Variants in ESRRB observed in about 807,000 individuals in gnomAD.
ESRRB encodes the protein steroid hormone receptor ERR2.
A neutral mutation model predicts 46.0 loss-of-function variants in ESRRB; 16 were observed. The ratio of observed to expected loss-of-function variants is 0.35; its 90% CI spans 0.24 to 0.53. The LOEUF (loss-of-function observed/expected upper bound fraction) is 0.53. ESRRB is among the 20% of genes least tolerant of loss of function. ESRRB has a pLI of 0.93. For missense variants in ESRRB, 488 were observed against 607.4 expected (o/e 0.80, Z 2.07); for synonymous variants, 246 against 259.6 (o/e 0.95, Z 0.50).
rs1200733939 is a variant in ESRRB at position 76,501,550 on chromosome 14, T to C, written c.*3092T>C. On this transcript the variant is annotated 3_prime_UTR_variant, in exon 7 of 7. Coordinates refer to ENST00000644823, the MANE Select transcript of ESRRB (RefSeq NM_001379180.1). Reference sequence around the variant, plus strand: ...GAAGTGGCAGGGGAGGGTGACCAGCTTGTGACAAGAAGACTGAAGGGTCCA... The same window carrying C: ...GAAGTGGCAGGGGAGGGTGACCAGCCTGTGACAAGAAGACTGAAGGGTCCA... 1 of 152,070 alleles carries C rather than the reference T, an allele frequency of 6.6e-6. No homozygotes were observed. The highest frequency in any genetic ancestry group is 1.9e-4 in the East Asian group (1 of 5,188). 9.4% of individuals were successfully genotyped at this position (152,070 alleles called of 1,614,324 possible).
rs191380523 is a variant in ESRRB at position 76,365,153 on chromosome 14, G to A, written c.2+54237G>A. ...CAAGTGGTCACAGAATAACCAGAGTGAAGTAACTTGAGTTCTTTGTTTTTA... is the reference window on the plus strand; with the variant it reads ...CAAGTGGTCACAGAATAACCAGAGTAAAGTAACTTGAGTTCTTTGTTTTTA... On this transcript the variant is annotated intron_variant, in intron 1 of 6. Coordinates refer to the ESRRB transcript ENST00000512784. Among the ~76,000 whole-genome samples, 5 of 152,286 alleles carry A rather than the reference G, an allele frequency of 3.3e-5. No homozygotes were observed. In the East Asian group the frequency reaches 9.6e-4, roughly 29 times the overall value.
chr14:76,479,296 C>T (rs1457753199), intron 3 of ESRRB, among the ~76,000 whole-genome samples: 1 of 152,096 alleles, frequency 6.6e-6, no homozygotes, highest in Non-Finnish European at 1.5e-5. Context: ...TCTTTGGCCA[C>T]CAGAGTCTGC....
At chr14:76,324,287 T>G (rs1473644396) in intron 1 of ESRRB, among the ~76,000 whole-genome samples, 10 of 152,150 alleles carry the variant, frequency 6.6e-5, no homozygotes, top group Non-Finnish European at 1.5e-5. Context: ...AATCAGTCAT[T>G]GGCTGAGAGC....
chr14:76,443,148 T>A (rs957234590), intron 2 of ESRRB, among the ~76,000 whole-genome samples: 3 of 152,018 alleles, frequency 2.0e-5, no homozygotes, highest in East Asian at 3.9e-4. Context: ...TGAGCCCTTT[T>A]AAAAAAATAA....
chr14:76,375,429 AT>A (rs1171859618), upstream of ESRRB, among the ~76,000 whole-genome samples: 1 of 151,928 alleles, frequency 6.6e-6, no homozygotes, highest in African/African-American at 2.4e-5. Context: ...CCACGATTGT[AT>A]TTTCCTAAGC....
At chr14:76,318,655 G>C (rs755200661) in intron 1 of ESRRB, among the ~76,000 whole-genome samples, 1 of 152,146 alleles carries the variant, frequency 6.6e-6, no homozygotes, top group Non-Finnish European at 1.5e-5. Flanking sequence ...GAGTTGTTGC[G>C]AGAATTAAAG....
chr14:76,334,159 C>T (rs1884097738), intron 1 of ESRRB, among the ~76,000 whole-genome samples: 1 of 152,006 alleles, frequency 6.6e-6, no homozygotes, highest in Admixed American at 6.5e-5. Context: ...ACGAACAGTC[C>T]AGGCAGAAAC....
intron 2 of ESRRB, among the ~76,000 whole-genome samples, chr14:76,445,171 TAA>T (rs369315496): frequency 7.5e-5 from 9 of 120,056 alleles, no homozygotes; most frequent in South Asian, 3.1e-4. Context: ...GGAGTTTCTT[TAA>T]AAAAAAAAAA....
At chr14:76,365,724 A>G (rs76863673) in intron 1 of ESRRB, among the ~76,000 whole-genome samples, 98 of 152,356 alleles carry the variant, frequency 6.4e-4, no homozygotes, top group Admixed American at 1.9e-3. Flanking sequence ...TGAAGCTTAC[A>G]TATATTATTA....
intron 5 of ESRRB, among the ~76,000 whole-genome samples, chr14:76,483,442 AT>A (rs1889886490): frequency 6.6e-6 from 1 of 152,104 alleles, no homozygotes; most frequent in Non-Finnish European, 1.5e-5. Context: ...GGCTTCTGAG[AT>A]TTTAAGGGCC....
intron 1 of ESRRB, among the ~76,000 whole-genome samples, chr14:76,419,751 T>C (rs1457166995): frequency 6.6e-6 from 1 of 152,166 alleles, no homozygotes; most frequent in East Asian, 1.9e-4. Flanking sequence ...TGTAGGCTCA[T>C]AGAAGGTCAA....
intron 1 of ESRRB, among the ~76,000 whole-genome samples, chr14:76,392,441 G>A (rs777305684): frequency 1.1e-4 from 17 of 152,150 alleles, no homozygotes; most frequent in Admixed American, 2.0e-4. Context: ...CCTGTCCCCC[G>A]TTTACAGAGG....
chr14:76,332,609 TATATATTATATAAATATATATTA>T, intron 1 of ESRRB, among the ~76,000 whole-genome samples: 1 of 44,726 alleles, frequency 2.2e-5, no homozygotes, highest in African/African-American at 1.1e-4. Flanking sequence ...ATTATATATT[TATATATTATATAAATATATATTA>T]TATATATTTA....
intron 1 of ESRRB, among the ~76,000 whole-genome samples, chr14:76,325,255 C>A (rs1007428060): frequency 1.3e-5 from 2 of 152,188 alleles, no homozygotes; most frequent in Non-Finnish European, 2.9e-5. Context: ...TGCACCCAGC[C>A]ACAAGCAACA....
chr14:76,387,333 G>C (rs972133638), intron 1 of ESRRB, among the ~76,000 whole-genome samples: 40 of 152,322 alleles, frequency 2.6e-4, no homozygotes, highest in African/African-American at 9.6e-4. Flanking sequence ...ACGGGGAATG[G>C]AAGAGCTCTA....
intron 6 of ESRRB, 92 bp from the exon 7 acceptor site, chr14:76,498,122 G>T (rs1020951437): frequency 1.4e-6 from 2 of 1,462,098 alleles, no homozygotes; most frequent in African/African-American, 2.8e-5. Context: ...ACCCCTGCCT[G>T]CCTCCATGCT....
intron 1 of ESRRB, among the ~76,000 whole-genome samples, chr14:76,428,860 T>G (rs1887311687): frequency 6.6e-6 from 1 of 152,178 alleles, no homozygotes; most frequent in South Asian, 2.1e-4. Flanking sequence ...TTTCAATCAG[T>G]TGTCGGGGAT....
chr14:76,406,442 A>G (rs576421084), intron 1 of ESRRB, among the ~76,000 whole-genome samples: 73 of 152,274 alleles, frequency 4.8e-4, no homozygotes, highest in South Asian at 6.2e-4. Context: ...CTCAAATGTC[A>G]CATTGGTTAA....
At chr14:76,455,968 G>A (rs1435892142) in intron 2 of ESRRB, among the ~76,000 whole-genome samples, 3 of 151,508 alleles carry the variant, frequency 2.0e-5, no homozygotes, top group African/African-American at 7.3e-5. Flanking sequence ...GCTTGAACCC[G>A]TGAGGCGGAG....
Sources: allele counts gnomAD v4.1 joint callset (sites outside exome capture counted in the v4.1 genomes callset), GRCh38; gene constraint gnomAD v4.1.1; transcripts MANE v1.5; gene names NCBI Gene and HGNC (gene_info 2026-07-23, HGNC 2026-07-21).